The following MYBL2 variants were observed in gnomAD, a reference collection of about 807,000 sequenced individuals.
MYBL2 encodes MYB proto-oncogene like 2.
Under a neutral mutation model 79.9 loss-of-function variants are expected in MYBL2, and 28 were observed. That is an observed-to-expected ratio of 0.35 (90% CI 0.26 to 0.48). MYBL2 has a LOEUF of 0.48. Ranked by LOEUF, MYBL2 falls within the 20% of genes least tolerant of loss-of-function variation. MYBL2 has a pLI of 0.99. For missense variants in MYBL2, 735 were observed against 893.9 expected, an observed-to-expected ratio of 0.82 and a Z score of 2.27; for synonymous variants, 378 against 361.2, an observed-to-expected ratio of 1.05 and a Z score of -0.53.
chr20:43,700,164 C>G, intron 7 of MYBL2, 120 bp downstream of exon 7: 1 of 1,353,648 alleles, frequency 7.4e-7, no homozygotes, highest in South Asian at 1.4e-5. Flanking sequence ...TGACTTGATG[C>G]TGAATGCCTA....
At chr20:43,667,462 C>G (rs1036773756) in intron 1 of MYBL2, among the ~76,000 whole-genome samples, 159 bp downstream of exon 1, 1 of 152,134 alleles carries the variant, frequency 6.6e-6, no homozygotes, top group Non-Finnish European at 1.5e-5. Context: ...CCTGGGCCCT[C>G]TGAGGCAGGG....
chr20:43,683,380 G>T (rs1403837650), intron 4 of MYBL2, among the ~76,000 whole-genome samples: 7 of 152,066 alleles, frequency 4.6e-5, no homozygotes, highest in Admixed American at 4.6e-4. Context: ...AGAGAGCAAG[G>T]CTCAGAGAGG....
intron 2 of MYBL2, among the ~76,000 whole-genome samples, chr20:43,677,731 G>A (rs1180860997): frequency 1.3e-5 from 2 of 150,394 alleles, no homozygotes; most frequent in African/African-American, 4.9e-5. Context: ...GAGGTGAGGG[G>A]CGCCTCTGCC....
chr20:43,698,692 A>G (rs1402720552), intron 6 of MYBL2, among the ~76,000 whole-genome samples: 16 of 131,740 alleles, frequency 1.2e-4, no homozygotes, highest in Middle Eastern at 4.3e-3. Flanking sequence ...TTAAATGAGC[A>G]GGGTCTTGCT....
intron 5 of MYBL2, 40 bp from the exon 6 acceptor site, chr20:43,692,117 A>G: frequency 6.3e-7 from 1 of 1,596,696 alleles, no homozygotes; most frequent in Non-Finnish European, 8.6e-7. Context: ...CACCCCACCC[A>G]CAGAGCTGGG....
At chr20:43,714,909 G>C (rs969431039) in intron 12 of MYBL2, among the ~76,000 whole-genome samples, 1 of 152,186 alleles carries the variant, frequency 6.6e-6, no homozygotes, top group Non-Finnish European at 1.5e-5. Flanking sequence ...GATTACAGGC[G>C]TGAGCCACCG....
chr20:43,702,401 A>T (rs1987691994), intron 7 of MYBL2, 89 bp from the exon 8 acceptor site: 1 of 1,397,574 alleles, frequency 7.2e-7, no homozygotes, highest in Admixed American at 2.1e-5. Flanking sequence ...GTGGGATCAT[A>T]CTTGACACTT....
intron 9 of MYBL2, among the ~76,000 whole-genome samples, chr20:43,706,719 G>GTTTTTTTTTTTTTTTTTTTTTTTTTTT (rs71193702): frequency 8.5e-5 from 6 of 70,778 alleles, no homozygotes; most frequent in African/African-American, 1.2e-4. Flanking sequence ...AAAAAAAAAA[G>GTTTTTTTTTTTTTTTTTTTTTTTTTTT]TTTTTTTTTT....
At chr20:43,697,110 G>A (rs1465127124) in intron 6 of MYBL2, among the ~76,000 whole-genome samples, 1 of 152,070 alleles carries the variant, frequency 6.6e-6, no homozygotes, top group Non-Finnish European at 1.5e-5. Flanking sequence ...GCTGCCAAAG[G>A]GATTGTACTG....
chr20:43,716,237 GC>G lies in MYBL2; in HGVS notation c.*152del. The G allele has an allele frequency of 8.3e-7, 1 of 1,209,882 alleles. No individual in the cohort carries two copies. The highest frequency in any genetic ancestry group is 1.1e-6 in the Non-Finnish European group (1 of 882,810). The allele number at this position is 1,209,882 out of a possible 1,614,324, so 74.9% of individuals were successfully genotyped here. A position where few individuals can be genotyped will look rare whatever the true frequency, so the allele number is the denominator to read the frequency against. On this transcript the variant is annotated 3_prime_UTR_variant, in exon 14 of 14. Coordinates refer to ENST00000217026, the MANE Select transcript of MYBL2 (RefSeq NM_002466.4). ...CAGACTCTCAGGTGGAGGCAACAGGGCCATGTGCTGCCCTGTTGCCGAGCCC... is the reference window on the plus strand; with the variant it reads ...CAGACTCTCAGGTGGAGGCAACAGGGCATGTGCTGCCCTGTTGCCGAGCCC...
In MYBL2 at chr20:43,706,719, G is replaced by T. The variant is rs4812731; in HGVS notation, c.1505+1361G>T. ...CTGTCTGTACACAAAAAAAAAAAAA[G>T]TTTTTTTTTTTTTTGAGATGGAGTC... On this transcript the variant is annotated intron_variant, in intron 9 of 13. Transcript: ENST00000217026. Among the ~76,000 whole-genome samples the T allele has an allele frequency of 4.1e-3, 289 of 70,632 alleles. 4 individuals are homozygous for T. Among genetic ancestry groups the T allele is most frequent in the Middle Eastern group, 0.012 (1 of 82 alleles). The allele number at this position is 70,632 out of a possible 152,430, so 46.3% of individuals were successfully genotyped here. A position where few individuals can be genotyped will look rare whatever the true frequency, so the allele number is the denominator to read the frequency against.
intron 5 of MYBL2, among the ~76,000 whole-genome samples, chr20:43,688,432 C>T (rs1328934264): frequency 6.6e-6 from 1 of 151,954 alleles, no homozygotes; most frequent in Non-Finnish European, 1.5e-5. Context: ...GAACTCTTGA[C>T]CTCCTGCCCA....
chr20:43,677,714 C>T (rs1453925983), intron 2 of MYBL2, among the ~76,000 whole-genome samples: 4 of 150,444 alleles, frequency 2.7e-5, no homozygotes, highest in Admixed American at 6.6e-5. Context: ...CCAGCCACCC[C>T]GTCCGGGAGG....
intron 11 of MYBL2, 83 bp downstream of exon 11, chr20:43,711,684 A>G (rs1600566655): frequency 7.9e-7 from 1 of 1,268,962 alleles, no homozygotes; most frequent in East Asian, 2.5e-5. Context: ...CAGGTTGTAG[A>G]AAGTGAGGCG....
intron 6 of MYBL2, among the ~76,000 whole-genome samples, chr20:43,692,817 G>A (rs529673396): frequency 2.8e-4 from 43 of 152,126 alleles, no homozygotes; most frequent in African/African-American, 9.9e-4. Flanking sequence ...TGTAATTTAC[G>A]TACTCTAATA....
chr20:43,687,096 G>A (rs781582737), intron 5 of MYBL2, 24 bp downstream of exon 5: 7 of 1,607,070 alleles, frequency 4.4e-6, no homozygotes, highest in Non-Finnish European at 5.1e-6. Context: ...TTGGGGGTTG[G>A]GACAGGTTCC....
At chr20:43,700,627 A>T (rs1009688676) in intron 7 of MYBL2, among the ~76,000 whole-genome samples, 2 of 150,214 alleles carry the variant, frequency 1.3e-5, no homozygotes, top group Non-Finnish European at 3.0e-5. Flanking sequence ...GAGGTGAAAG[A>T]CCAGAGGCCT....
intron 5 of MYBL2, among the ~76,000 whole-genome samples, chr20:43,689,898 G>A (rs143821925): frequency 6.0e-4 from 92 of 152,304 alleles, no homozygotes; most frequent in African/African-American, 2.0e-3. Context: ...GAGGGCTGGG[G>A]AGGTGTTTTG....
intron 4 of MYBL2, among the ~76,000 whole-genome samples, chr20:43,685,158 A>G (rs1987242651): frequency 6.6e-6 from 1 of 151,588 alleles, no homozygotes; most frequent in African/African-American, 2.4e-5. Context: ...AAAAAAAAAA[A>G]AAAAAGAATG....
Sources: gnomAD v4.1 joint callset for allele counts (sites outside exome capture counted in the v4.1 genomes callset) on GRCh38, gnomAD v4.1.1 for gene constraint, MANE v1.5 for transcripts, NCBI Gene and HGNC (gene_info 2026-07-23, HGNC 2026-07-21) for gene names.